The following DERL1 variants were observed in gnomAD, a reference collection of about 807,000 sequenced individuals.
The protein encoded by DERL1 is derlin 1, also known as derlin-1.
A neutral mutation model predicts 41.6 loss-of-function variants in DERL1; 24 were observed. That is an observed-to-expected ratio of 0.58 (90% CI 0.42 to 0.81). The LOEUF (loss-of-function observed/expected upper bound fraction) is 0.81, where lower values mean the gene tolerates loss of function less well. Ranked by LOEUF, DERL1 falls within the 30% of genes least tolerant of loss-of-function variation. The pLI is 0.00. For missense variants in DERL1, 260 were observed against 314.3 expected, an observed-to-expected ratio of 0.83 and a Z score of 1.31; for synonymous variants, 124 against 112.5, an observed-to-expected ratio of 1.10 and a Z score of -0.65.
At chr8:123,025,104 C>T (rs938012832) in intron 2 of DERL1, 54 bp from the exon 3 acceptor site, 15 of 1,569,716 alleles carry the variant, frequency 9.6e-6, no homozygotes, top group African/African-American at 1.4e-5. Context: ...AACAAAGTAA[C>T]ATCTACATAG....
intron 4 of DERL1, among the ~76,000 whole-genome samples, chr8:123,023,149 C>A (rs1278981963): frequency 6.6e-6 from 1 of 152,048 alleles, no homozygotes; most frequent in Non-Finnish European, 1.5e-5. Context: ...ACTAGACAAC[C>A]ATTATTGTCA....
chr8:123,022,876 C>T, intron 4 of DERL1, 97 bp from the exon 5 acceptor site: 1 of 876,296 alleles, frequency 1.1e-6, no homozygotes, highest in Admixed American at 1.9e-5. Flanking sequence ...CACAACAATC[C>T]TCACCTGGGT....
chr8:123,021,416 T>G (rs1476244897), intron 6 of DERL1, 31 bp downstream of exon 6: 1 of 1,593,942 alleles, frequency 6.3e-7, no homozygotes, highest in Non-Finnish European at 8.6e-7. Context: ...CAAGGATTAG[T>G]TTCCAATTAA....
intron 1 of DERL1, among the ~76,000 whole-genome samples, chr8:123,041,551 G>A (rs1813070384): frequency 6.6e-6 from 1 of 152,178 alleles, no homozygotes; most frequent in South Asian, 2.1e-4. Flanking sequence ...AAACGTGAAA[G>A]GAACTCAGCT....
At chr8:123,040,325 C>G (rs893830940) in intron 1 of DERL1, among the ~76,000 whole-genome samples, 3 of 152,188 alleles carry the variant, frequency 2.0e-5, no homozygotes, top group African/African-American at 7.2e-5. Flanking sequence ...GTCAACAAGA[C>G]GGCATTTGGG....
intron 6 of DERL1, 42 bp downstream of exon 6, chr8:123,021,405 C>G (rs1391562856): frequency 4.5e-6 from 7 of 1,562,694 alleles, no homozygotes; most frequent in Middle Eastern, 1.7e-4. Flanking sequence ...TGGAAATTTT[C>G]CAAGGATTAG....
chr8:123,025,079 G>C, intron 2 of DERL1, 29 bp from the exon 3 acceptor site: 1 of 1,606,758 alleles, frequency 6.2e-7, no homozygotes, highest in Non-Finnish European at 8.5e-7. Flanking sequence ...CAAATGTCAT[G>C]GTTCAGAATT....
Position 123,015,151 on chromosome 8 carries a change from TA to T in DERL1, c.*295del, listed in dbSNP as rs1475691363. 1.9e-5 allele frequency: 5 copies of T among 258,108 alleles called. No homozygotes were observed. 16.0% of individuals were successfully genotyped at this position (258,108 alleles called of 1,614,324 possible). A position where few individuals can be genotyped will look rare whatever the true frequency, so the allele number is the denominator to read the frequency against. On this transcript the variant is annotated 3_prime_UTR_variant, in exon 8 of 8. Transcript: ENST00000259512. ...TCAATGCCAGCAGACTAGGACCCGC[TA>T]AAACCCATTATTCAGACGGAAAGGG... is the stretch of plus-strand genomic sequence containing the variant.
intron 1 of DERL1, 22 bp from the exon 2 acceptor site, chr8:123,030,738 C>A (rs773833995): frequency 6.6e-7 from 1 of 1,512,340 alleles, no homozygotes; most frequent in Admixed American, 1.7e-5. Flanking sequence ...AAAATAAACA[C>A]AGCTGTTAGT....
At chr8:123,026,065 T>C (rs918663009) in intron 2 of DERL1, among the ~76,000 whole-genome samples, 9 of 151,928 alleles carry the variant, frequency 5.9e-5, no homozygotes, top group African/African-American at 1.5e-4. Context: ...CCCCTCACAG[T>C]TACATGATAC....
At chr8:123,019,385 G>C (rs187689461) in intron 6 of DERL1, 80 bp from the exon 7 acceptor site, 16 of 1,002,714 alleles carry the variant, frequency 1.6e-5, no homozygotes, top group East Asian at 7.6e-5. Flanking sequence ...ATAAGGAAGA[G>C]AGCCTTCAAG....
chr8:123,018,197 C>T (rs1336037967), intron 7 of DERL1: 1 of 152,064 alleles, frequency 6.6e-6, no homozygotes, highest in African/African-American at 2.4e-5. Context: ...TTAAAGCTTT[C>T]AAATGCAAGC....
chr8:123,022,870 ACAAT>A, intron 4 of DERL1, 91 bp from the exon 5 acceptor site: 1 of 941,920 alleles, frequency 1.1e-6, no homozygotes, highest in Non-Finnish European at 1.7e-6. Flanking sequence ...CCTCTTCACA[ACAAT>A]CCTCACCTGG....
chr8:123,022,651 G>C, intron 5 of DERL1, 33 bp downstream of exon 5: 1 of 1,596,558 alleles, frequency 6.3e-7, no homozygotes, highest in Non-Finnish European at 8.6e-7. Flanking sequence ...GCAGACAAAT[G>C]AAAAGGACAC....
chr8:123,035,005 A>C (rs1245767895), intron 1 of DERL1, among the ~76,000 whole-genome samples: 1 of 152,238 alleles, frequency 6.6e-6, no homozygotes, highest in Admixed American at 6.5e-5. Flanking sequence ...GTATTATCAC[A>C]ATCTTTTCGG....
At chr8:123,022,106 TA>T (rs1812561155) in intron 5 of DERL1, among the ~76,000 whole-genome samples, 1 of 152,174 alleles carries the variant, frequency 6.6e-6, no homozygotes, top group East Asian at 1.9e-4. Context: ...TATACTCAAA[TA>T]ACTTTACAGC....
chr8:123,039,845 G>T (rs1813004952), intron 1 of DERL1, among the ~76,000 whole-genome samples: 1 of 152,204 alleles, frequency 6.6e-6, no homozygotes, highest in Admixed American at 6.5e-5. Flanking sequence ...CAAGGACAGT[G>T]GTGAACGGCT....
intron 6 of DERL1, 79 bp downstream of exon 6, chr8:123,021,368 T>C (rs1474679271): frequency 1.3e-5 from 17 of 1,329,284 alleles, no homozygotes; most frequent in Non-Finnish European, 1.8e-5. Flanking sequence ...TAAAGTTGTA[T>C]AAAGGTTAGA....
intron 6 of DERL1, among the ~76,000 whole-genome samples, chr8:123,020,330 A>C (rs1051459009): frequency 1.3e-5 from 2 of 151,872 alleles, no homozygotes; most frequent in African/African-American, 4.8e-5. Flanking sequence ...AAATACAAAA[A>C]TTAGCTGGGT....
Sources: allele counts gnomAD v4.1 joint callset (sites outside exome capture counted in the v4.1 genomes callset), GRCh38; gene constraint gnomAD v4.1.1; transcripts MANE v1.5; gene names NCBI Gene and HGNC (gene_info 2026-07-23, HGNC 2026-07-21).